SCTR: variants seen among roughly 807,000 people sequenced by gnomAD.
SCTR encodes secretin receptor, also known as pancreatic secretin receptor.
In SCTR, 56 loss-of-function variants were observed where a neutral mutation model predicts 60.8. The ratio of observed to expected loss-of-function variants is 0.92; its 90% confidence interval spans 0.74 to 1.15. The LOEUF is 1.15. SCTR is among the 50% of genes most tolerant of loss of function. The probability of loss-of-function intolerance (pLI) is 0.00; values close to 1 mark genes in which losing one functional copy is unlikely to be tolerated. For missense variants in SCTR, 562 were observed against 550.4 expected (o/e 1.02, Z -0.21); for synonymous variants, 202 against 217.0 (o/e 0.93, Z 0.61).
chr2:119,473,859 C>T (rs1013437412), intron 3 of SCTR, among the ~76,000 whole-genome samples: 11 of 152,146 alleles, frequency 7.2e-5, no homozygotes, highest in African/African-American at 2.7e-4. Context: ...GGTGGGTACC[C>T]CGGAGAATCT....
At chr2:119,514,386 G>A (rs1013682194) in intron 1 of SCTR, among the ~76,000 whole-genome samples, 2 of 152,214 alleles carry the variant, frequency 1.3e-5, no homozygotes, top group Non-Finnish European at 2.9e-5. Context: ...CAAACTTGGA[G>A]GCTATGGAGC....
chr2:119,440,089 T>A lies in SCTR; in HGVS notation c.*28A>T. Reference sequence around the variant, plus strand: ...CCTTCGCAGGACCTCTCTTGGTCTCTGTCCGTGGGTGACCCTGCTCCAGCC... The same window carrying A: ...CCTTCGCAGGACCTCTCTTGGTCTCAGTCCGTGGGTGACCCTGCTCCAGCC... On this transcript the variant is annotated 3_prime_UTR_variant, in exon 13 of 13. Transcript: ENST00000019103. 6.2e-7 allele frequency: 1 copy of A among 1,605,268 alleles called. No individual in the cohort carries two copies. Among genetic ancestry groups the A allele is most frequent in the Non-Finnish European group, 8.5e-7 (1 of 1,174,576 alleles).
chr2:119,464,684 T>C (rs1683758724), intron 5 of SCTR, among the ~76,000 whole-genome samples: 1 of 152,136 alleles, frequency 6.6e-6, no homozygotes, highest in Non-Finnish European at 1.5e-5. Context: ...AGTTCTACCA[T>C]TGCCACTGCA....
At chr2:119,462,527 G>T (rs1340718094) in intron 6 of SCTR, among the ~76,000 whole-genome samples, 6 of 152,250 alleles carry the variant, frequency 3.9e-5, no homozygotes, top group African/African-American at 1.4e-4. Flanking sequence ...CCACATATCT[G>T]ATGGGGATGT....
intron 3 of SCTR, among the ~76,000 whole-genome samples, chr2:119,474,954 C>A (rs146864860): frequency 1.9e-3 from 296 of 152,356 alleles, no homozygotes; most frequent in African/African-American, 6.8e-3. Context: ...CCAGTGCAGC[C>A]TCTTGGTCAC....
At chr2:119,447,001 A>G in intron 10 of SCTR, 116 bp from the exon 11 acceptor site, 2 of 1,122,846 alleles carry the variant, frequency 1.8e-6, no homozygotes, top group Non-Finnish European at 2.3e-6. Context: ...GCTGGCTAGC[A>G]GTACCCCAAA....
intron 1 of SCTR, among the ~76,000 whole-genome samples, chr2:119,521,924 G>A (rs551664072): frequency 5.1e-4 from 77 of 152,236 alleles, no homozygotes; most frequent in Non-Finnish European, 6.3e-4. Context: ...TACAGAAGCC[G>A]TAAAATAACC....
Position 119,452,015 on chromosome 2 carries a change from T to C in SCTR, c.916A>G (p.Ile306Val), listed in dbSNP as rs1441206578. 3.1e-6 allele frequency: 5 copies of C among 1,598,414 alleles called. No homozygotes were observed. The highest frequency in any genetic ancestry group is 4.3e-6 in the Non-Finnish European group (5 of 1,167,634). ...GGGAGAGGAGGGCCACTCACCAGGATGGAGAGGATCACAGGACCACGAATG... is the reference window on the plus strand; with the variant it reads ...GGGAGAGGAGGGCCACTCACCAGGACGGAGAGGATCACAGGACCACGAATG... ...WIIRGPVILS[I>V]LINFILFINI... is the part of the protein sequence containing the mutation. The change falls in exon 9 of 13, where the codon ATC (isoleucine) becomes GTC (valine). Residue 306 changes from isoleucine to valine, a missense_variant. Physicochemically the swap from Ile to Val is conservative, Grantham distance 29. Coordinates refer to ENST00000019103, the MANE Select transcript of SCTR (RefSeq NM_002980.3).
At chr2:119,503,894 G>A (rs2104924209) in intron 1 of SCTR, among the ~76,000 whole-genome samples, 1 of 152,198 alleles carries the variant, frequency 6.6e-6, no homozygotes, top group African/African-American at 2.4e-5. Flanking sequence ...AGGGATTGAA[G>A]GGGTATATGG....
At chr2:119,467,959 A>G (rs6720303) in intron 4 of SCTR, among the ~76,000 whole-genome samples, 10,893 of 152,240 alleles carry the variant, frequency 0.072, 1,272 homozygotes, top group African/African-American at 0.25. Context: ...AATTTTAAAA[A>G]GATTTATATG....
chr2:119,479,156 G>GAGGAAGGTAAGAAGGAAAGA, intron 2 of SCTR: 1 of 1,256,798 alleles, frequency 8.0e-7, no homozygotes, highest in Non-Finnish European at 1.0e-6. Context: ...GAAAGGGAGG[G>GAGGAAGGTAAGAAGGAAAGA]AGGAAGGGAA....
intron 1 of SCTR, among the ~76,000 whole-genome samples, chr2:119,496,431 T>C (rs1456438755): frequency 6.6e-6 from 1 of 152,244 alleles, no homozygotes; most frequent in Admixed American, 6.5e-5. Flanking sequence ...TGTCACAGCT[T>C]TATATATAAT....
intron 4 of SCTR, 87 bp downstream of exon 4, chr2:119,473,366 T>C: frequency 2.3e-6 from 2 of 881,550 alleles, no homozygotes; most frequent in Non-Finnish European, 3.7e-6. Flanking sequence ...TGCCACCCTG[T>C]CCTCTCCCAG....
chr2:119,475,653 A>T (rs1558858753), intron 3 of SCTR, among the ~76,000 whole-genome samples: 1 of 138,828 alleles, frequency 7.2e-6, no homozygotes, highest in African/African-American at 3.1e-5. Flanking sequence ...ATATAATATA[A>T]ATAGATATTT....
chr2:119,484,456 A>T (rs1485009246), intron 2 of SCTR, among the ~76,000 whole-genome samples: 2 of 152,096 alleles, frequency 1.3e-5, no homozygotes, highest in Non-Finnish European at 2.9e-5. Context: ...AGCATGGGAT[A>T]CCAGGTTGAG....
chr2:119,500,350 A>G (rs1052825647), intron 1 of SCTR, among the ~76,000 whole-genome samples: 1 of 152,242 alleles, frequency 6.6e-6, no homozygotes, highest in African/African-American at 2.4e-5. Flanking sequence ...CTACCATATG[A>G]TCCAGGAATT....
intron 9 of SCTR, among the ~76,000 whole-genome samples, chr2:119,451,175 C>T (rs1464200346): frequency 2.0e-5 from 3 of 152,116 alleles, no homozygotes; most frequent in African/African-American, 7.2e-5. Context: ...CACTCACTTT[C>T]AACTGGTTCT....
chr2:119,498,562 T>A (rs1003081077), intron 1 of SCTR, among the ~76,000 whole-genome samples: 2 of 152,088 alleles, frequency 1.3e-5, no homozygotes, highest in Non-Finnish European at 2.9e-5. Flanking sequence ...ATCAACTACA[T>A]ATTTAAGACA....
At chr2:119,442,265 G>A (rs972628006) in intron 11 of SCTR, among the ~76,000 whole-genome samples, 3 of 152,312 alleles carry the variant, frequency 2.0e-5, no homozygotes, top group Middle Eastern at 6.8e-3. Context: ...TCCTGGTGTG[G>A]AGCTCTGTCA....
Sources: allele counts gnomAD v4.1 joint callset (sites outside exome capture counted in the v4.1 genomes callset), GRCh38; gene constraint gnomAD v4.1.1; transcripts MANE v1.5; gene names NCBI Gene and HGNC (gene_info 2026-07-23, HGNC 2026-07-21).